Variants in ADGRV1 observed in about 807,000 individuals in gnomAD.
ADGRV1 encodes G-protein coupled receptor 98.
Under a neutral mutation model 596.2 loss-of-function variants are expected in ADGRV1, and 359 were observed. The ratio of observed to expected loss-of-function variants is 0.60; its 90% CI spans 0.55 to 0.66. The LOEUF is 0.66. ADGRV1 is among the 30% of genes least tolerant of loss of function. The probability of loss-of-function intolerance (pLI) is 0.00; values close to 1 mark genes in which losing one functional copy is unlikely to be tolerated. For missense variants in ADGRV1, 7,274 were observed against 7,575.6 expected, an observed-to-expected ratio of 0.96 and a Z score of 1.48; for synonymous variants, 2,681 against 2,679.2, an observed-to-expected ratio of 1.00 and a Z score of -0.02.
At chr5:91,128,428 T>G (rs1439276129) in intron 87 of ADGRV1, among the ~76,000 whole-genome samples, 1 of 152,168 alleles carries the variant, frequency 6.6e-6, no homozygotes, top group Non-Finnish European at 1.5e-5. Flanking sequence ...TGTCTTTCCC[T>G]CACTGAACTA....
chr5:90,790,505 A>G, intron 69 of ADGRV1, among the ~76,000 whole-genome samples: 1 of 152,196 alleles, frequency 6.6e-6, no homozygotes, highest in East Asian at 1.9e-4. Flanking sequence ...AACAAACAAA[A>G]ATTCTGATTT....
At chr5:90,947,651 A>G (rs534087828) in intron 83 of ADGRV1, among the ~76,000 whole-genome samples, 55 of 152,216 alleles carry the variant, frequency 3.6e-4, no homozygotes, top group African/African-American at 1.3e-3. Flanking sequence ...CCAATATTTA[A>G]GGGAGGTAGG....
At chr5:90,775,462 A>G (rs964485013) in intron 60 of ADGRV1, among the ~76,000 whole-genome samples, 1 of 152,138 alleles carries the variant, frequency 6.6e-6, no homozygotes. Flanking sequence ...TTGGATCAGG[A>G]TAAATCATTT....
At chr5:90,657,843 C>T (rs116446829) in intron 20 of ADGRV1, 62 bp from the exon 21 acceptor site, 11 of 1,445,312 alleles carry the variant, frequency 7.6e-6, no homozygotes, top group South Asian at 3.5e-5. Flanking sequence ...CTGAATCACA[C>T]GTAAAATTTA....
At chr5:90,573,958 G>GTAGGTA (rs138259060) in intron 1 of ADGRV1, among the ~76,000 whole-genome samples, 2,886 of 152,270 alleles carry the variant, frequency 0.019, 82 homozygotes, top group African/African-American at 0.065. Context: ...TCAGATGGTT[G>GTAGGTA]TAGGTATGCA....
chr5:90,821,513 T>C (rs1050816795), intron 75 of ADGRV1, among the ~76,000 whole-genome samples: 11 of 151,132 alleles, frequency 7.3e-5, no homozygotes, highest in African/African-American at 2.4e-4. Context: ...AGTTTCCAGT[T>C]TTTCTGTTCT....
At chr5:90,561,168 T>C (rs1754783919) in intron 1 of ADGRV1, among the ~76,000 whole-genome samples, 1 of 152,126 alleles carries the variant, frequency 6.6e-6, no homozygotes, top group Non-Finnish European at 1.5e-5. Context: ...GGCAGAGAGA[T>C]CTATGCCCTG....
chr5:90,758,848 A>T (rs976831328), intron 57 of ADGRV1, among the ~76,000 whole-genome samples: 11 of 152,350 alleles, frequency 7.2e-5, no homozygotes, highest in Middle Eastern at 6.8e-3. Context: ...GATTATAAAC[A>T]TCCAGGAATA....
chr5:91,097,390 G>A (rs1790965517), intron 86 of ADGRV1, among the ~76,000 whole-genome samples: 1 of 152,318 alleles, frequency 6.6e-6, no homozygotes, highest in Non-Finnish European at 1.5e-5. Context: ...AACATATAAA[G>A]TTTGGGGGGA....
At position 90,896,986 on chromosome 5, in the gene ADGRV1, A is replaced by T. The variant is rs1771390248; in HGVS notation, c.17856+33129A>T. Reference sequence around the variant, plus strand: ...GAAGTCCCACAAAGCAATGACCTGTATGGACAGGTTAGGAAATTTGAATCC... The same window carrying T: ...GAAGTCCCACAAAGCAATGACCTGTTTGGACAGGTTAGGAAATTTGAATCC... On this transcript the variant is annotated intron_variant, in intron 83 of 89. Coordinates refer to ENST00000405460, the MANE Select transcript of ADGRV1 (RefSeq NM_032119.4). Among the ~76,000 whole-genome samples the T allele has an allele frequency of 2.6e-5, 4 of 152,186 alleles. No individual in the cohort carries two copies. The South Asian group carries it at 6.2e-4, about 24-fold the overall frequency.
chr5:90,723,199 G>A (rs1017056513), intron 45 of ADGRV1, among the ~76,000 whole-genome samples: 2 of 152,170 alleles, frequency 1.3e-5, no homozygotes, highest in Admixed American at 1.3e-4. Context: ...TCAAATATAT[G>A]CAACCATTTC....
intron 83 of ADGRV1, among the ~76,000 whole-genome samples, chr5:90,881,870 G>A (rs1288611655): frequency 2.0e-5 from 3 of 152,008 alleles, no homozygotes; most frequent in African/African-American, 7.2e-5. Context: ...GGGACTATAG[G>A]CTCAACTTTT....
chr5:91,143,941 G>A (rs1795318598), intron 87 of ADGRV1, among the ~76,000 whole-genome samples: 1 of 152,208 alleles, frequency 6.6e-6, no homozygotes, highest in African/African-American at 2.4e-5. Context: ...GGGCTAGTAT[G>A]TCAGTGCTTC....
chr5:90,874,586 G>A (rs941604356), intron 83 of ADGRV1, among the ~76,000 whole-genome samples: 14 of 151,886 alleles, frequency 9.2e-5, no homozygotes, highest in African/African-American at 1.7e-4. Flanking sequence ...TTAAGGCCGC[G>A]TGCGGTGGCT....
chr5:90,937,561 C>T (rs560227298), intron 83 of ADGRV1, among the ~76,000 whole-genome samples: 76 of 151,064 alleles, frequency 5.0e-4, no homozygotes, highest in African/African-American at 1.8e-3. Flanking sequence ...GGGTTCACGC[C>T]GTTCTCCTGC....
At chr5:90,928,000 T>C (rs1348636443) in intron 83 of ADGRV1, among the ~76,000 whole-genome samples, 6 of 152,186 alleles carry the variant, frequency 3.9e-5, no homozygotes, top group African/African-American at 1.4e-4. Flanking sequence ...CCAGGAGATC[T>C]GCTGTTAGTC....
At chr5:90,733,364 A>C (rs1225930521) in intron 50 of ADGRV1, among the ~76,000 whole-genome samples, 1 of 152,180 alleles carries the variant, frequency 6.6e-6, no homozygotes, top group Non-Finnish European at 1.5e-5. Context: ...GTTAGTAGAG[A>C]TGTGGAACTA....
chr5:90,927,623 T>C (rs1331837966), intron 83 of ADGRV1, among the ~76,000 whole-genome samples: 3 of 152,188 alleles, frequency 2.0e-5, no homozygotes, highest in Admixed American at 6.5e-5. Flanking sequence ...GAGCATTTAG[T>C]CCATTTACAT....
intron 24 of ADGRV1, among the ~76,000 whole-genome samples, chr5:90,675,861 T>C (rs1773187113): frequency 6.6e-6 from 1 of 152,126 alleles, no homozygotes; most frequent in Admixed American, 6.6e-5. Context: ...TAATCTACTT[T>C]ATCTAATTAA....
Sources: allele counts gnomAD v4.1 joint callset (sites outside exome capture counted in the v4.1 genomes callset), GRCh38; gene constraint gnomAD v4.1.1; transcripts MANE v1.5; gene names NCBI Gene and HGNC (gene_info 2026-07-23, HGNC 2026-07-21).